PRKCA: variants seen among roughly 807,000 people sequenced by gnomAD.
PRKCA encodes protein kinase C alpha type.
In PRKCA, 27 loss-of-function variants were observed where a neutral mutation model predicts 87.0. That is an observed-to-expected ratio of 0.31 (90% CI 0.23 to 0.43). The LOEUF (loss-of-function observed/expected upper bound fraction) is 0.43, where lower values mean the gene tolerates loss of function less well. PRKCA is among the 20% of genes least tolerant of loss of function. The pLI, the probability that PRKCA is intolerant of heterozygous loss-of-function variation, is 1.00. For missense variants in PRKCA, 518 were observed against 852.3 expected, an observed-to-expected ratio of 0.61 and a Z score of 4.88; for synonymous variants, 329 against 311.1, an observed-to-expected ratio of 1.06 and a Z score of -0.61.
intron 2 of PRKCA, among the ~76,000 whole-genome samples, chr17:66,442,064 C>CTTTTTT (rs137893356): frequency 2.0e-5 from 3 of 147,492 alleles, no homozygotes; most frequent in Non-Finnish European, 1.5e-5. Flanking sequence ...TAGTCTCTCT[C>CTTTTTT]TCTTTTTTTT....
At chr17:66,603,678 T>G (rs1311441809) in intron 3 of PRKCA, among the ~76,000 whole-genome samples, 2 of 152,156 alleles carry the variant, frequency 1.3e-5, no homozygotes. Context: ...ACCTTCATAA[T>G]GTCATGTGCT....
rs191984474 is a variant in PRKCA at position 66,652,127 on chromosome 17, T to C, written c.529+6616T>C. Among the ~76,000 whole-genome samples, 163 of 152,142 alleles carry C rather than the reference T, an allele frequency of 1.1e-3. 3 individuals are homozygous for C. Among genetic ancestry groups the C allele is most frequent in the Admixed American group, 9.3e-3 (142 of 15,298 alleles). On this transcript the variant is annotated intron_variant, in intron 5 of 16. Transcript: ENST00000413366. ...GTGTGTGCCACCATGCCCGGCTAATTTTTGTTTTTTTGGTAGAGACAAGGT... is the reference window on the plus strand; with the variant it reads ...GTGTGTGCCACCATGCCCGGCTAATCTTTGTTTTTTTGGTAGAGACAAGGT...
chr17:66,664,418 C>T (rs192288609), intron 5 of PRKCA, among the ~76,000 whole-genome samples: 2 of 152,190 alleles, frequency 1.3e-5, no homozygotes, highest in Admixed American at 1.3e-4. Context: ...GGTTTAGTAC[C>T]AGGAATCATC....
chr17:66,548,136 C>T lies in PRKCA; in HGVS notation c.288+51853C>T, dbSNP rs138876728. On this transcript the variant is annotated intron_variant, in intron 3 of 16. Coordinates refer to ENST00000413366, the MANE Select transcript of PRKCA (RefSeq NM_002737.3). ...AGGGAGCTTTTCGCTGATTCTTGTT[C>T]GGGGGGATTTCCTTGAAGTCGACAG... Among the ~76,000 whole-genome samples, 1,336 of 152,206 alleles carry T rather than the reference C, an allele frequency of 8.8e-3. 6 individuals carry two copies. The highest frequency in any genetic ancestry group is 0.015 in the Non-Finnish European group (999 of 67,996).
intron 5 of PRKCA, among the ~76,000 whole-genome samples, chr17:66,684,922 C>G (rs542458438): frequency 1.3e-5 from 2 of 152,206 alleles, no homozygotes; most frequent in Non-Finnish European, 2.9e-5. Flanking sequence ...TGGCCTCTTT[C>G]CATTCCTCAT....
intron 5 of PRKCA, among the ~76,000 whole-genome samples, chr17:66,666,644 A>G (rs1972049859): frequency 1.3e-5 from 2 of 152,186 alleles, no homozygotes; most frequent in Non-Finnish European, 1.5e-5. Flanking sequence ...TATGGCTCCA[A>G]ATTTCAACAG....
In PRKCA at chr17:66,761,187, T is replaced by C. The variant is rs1173650683; in HGVS notation, c.1525-12800T>C. On this transcript the variant is annotated intron_variant, in intron 13 of 16. Coordinates refer to ENST00000413366, the MANE Select transcript of PRKCA (RefSeq NM_002737.3). The stretch of plus-strand genomic sequence containing the variant: ...GAGATTGAGACCATCCTGGCCAACA[T>C]GGTGAAACTCAGTCTCTACTAAAAA... Among the ~76,000 whole-genome samples, 8 of 152,000 alleles carry C rather than the reference T, an allele frequency of 5.3e-5. No homozygotes were observed. The East Asian group carries it at 1.6e-3, about 30-fold the overall frequency.
chr17:66,417,999 G>C, intron 2 of PRKCA, among the ~76,000 whole-genome samples: 1 of 152,104 alleles, frequency 6.6e-6, no homozygotes, highest in African/African-American at 2.4e-5. Context: ...CCCCAAATTA[G>C]CCATGTTTGA....
chr17:66,684,467 A>G (rs1271216615), intron 5 of PRKCA, among the ~76,000 whole-genome samples: 3 of 152,342 alleles, frequency 2.0e-5, no homozygotes, highest in Non-Finnish European at 2.9e-5. Flanking sequence ...GTGTCCTGGC[A>G]TGCCATGAGT....
In PRKCA at chr17:66,809,191, G is replaced by A; in HGVS notation, c.*5154G>A. The A allele has an allele frequency of 6.6e-6, 1 of 152,270 alleles. No homozygotes were observed. The highest frequency in any genetic ancestry group is 1.9e-4 in the East Asian group (1 of 5,200). The allele number at this position is 152,270 out of a possible 1,614,324, so 9.4% of individuals were successfully genotyped here. A position where few individuals can be genotyped will look rare whatever the true frequency, so the allele number is the denominator to read the frequency against. ...GTTACCTGACGCACACATGGATGAA[G>A]GCCATCATCTAGAAATGGGGTCAAC... On this transcript the variant is annotated 3_prime_UTR_variant, in exon 17 of 17. Transcript: ENST00000413366.
Position 66,514,596 on chromosome 17 carries a change from C to T in PRKCA, c.288+18313C>T, listed in dbSNP as rs1966903699. Among the ~76,000 whole-genome samples the T allele has an allele frequency of 2.0e-5, 3 of 152,192 alleles. No individual in the cohort carries two copies. The South Asian group carries it at 6.2e-4, about 32-fold the overall frequency. On this transcript the variant is annotated intron_variant, in intron 3 of 16. Coordinates refer to ENST00000413366, the MANE Select transcript of PRKCA (RefSeq NM_002737.3). ...GCAGCTCCATGTTTCTGTGCGGGAC[C>T]CGGCCTCCTCCAGCGTTTAGTTTAG...
chr17:66,608,978 G>C (rs1335290374), intron 3 of PRKCA, among the ~76,000 whole-genome samples: 2 of 152,216 alleles, frequency 1.3e-5, no homozygotes, highest in East Asian at 3.8e-4. Context: ...CTTAACAGGT[G>C]AGAACAGGAA....
intron 5 of PRKCA, among the ~76,000 whole-genome samples, chr17:66,670,695 A>G (rs1972155502): frequency 6.6e-6 from 1 of 151,584 alleles, no homozygotes; most frequent in African/African-American, 2.4e-5. Flanking sequence ...CGCCATCTCT[A>G]CCCAAAAAAA....
chr17:66,490,617 C>G lies in PRKCA; in HGVS notation c.206-5584C>G, dbSNP rs150424959. Among the ~76,000 whole-genome samples the G allele has an allele frequency of 6.3e-3, 959 of 151,880 alleles. 14 individuals are homozygous for G. Among genetic ancestry groups the G allele is most frequent in the African/African-American group, 0.02 (835 of 41,408 alleles). On this transcript the variant is annotated intron_variant, in intron 2 of 16. Transcript: ENST00000413366. ...TTGAGACGGAGTCTTGCTCTGTCAC[C>G]CAGGCTGGACTGGAGTGCAGTGGTG...
chr17:66,633,878 C>T (rs1053617517), intron 3 of PRKCA, among the ~76,000 whole-genome samples: 45 of 152,212 alleles, frequency 3.0e-4, no homozygotes, highest in Admixed American at 2.9e-3. Flanking sequence ...CTGCACATAG[C>T]TAGATTAGTC....
intron 3 of PRKCA, among the ~76,000 whole-genome samples, chr17:66,635,692 C>G (rs1234386533): frequency 1.3e-5 from 2 of 152,208 alleles, no homozygotes; most frequent in Non-Finnish European, 2.9e-5. Context: ...GCCAATACTA[C>G]TGTATTCCCT....
At position 66,747,365 on chromosome 17, in the gene PRKCA, C is replaced by T. The variant is rs148091754; in HGVS notation, c.1524+4605C>T. The stretch of plus-strand genomic sequence containing the variant: ...GAATTACAGGCCTGAGCCACTGTGC[C>T]CGGCCCTGAAGTGAAGCTTTTTCAA... On this transcript the variant is annotated intron_variant, in intron 13 of 16. Coordinates refer to ENST00000413366, the MANE Select transcript of PRKCA (RefSeq NM_002737.3). 2.9e-3 allele frequency among the ~76,000 whole-genome samples: 438 copies of T among 152,348 alleles called. 2 individuals carry two copies. The highest frequency in any genetic ancestry group is 9.8e-3 in the African/African-American group (408 of 41,584).
chr17:66,740,223 C>A (rs1319200384), intron 11 of PRKCA, among the ~76,000 whole-genome samples: 1 of 151,900 alleles, frequency 6.6e-6, no homozygotes, highest in Non-Finnish European at 1.5e-5. Flanking sequence ...ATGCGGGAGT[C>A]GGCAGCACAG....
chr17:66,723,947 CTG>C (rs1303104344), intron 8 of PRKCA, among the ~76,000 whole-genome samples: 1 of 152,200 alleles, frequency 6.6e-6, no homozygotes, highest in Non-Finnish European at 1.5e-5. Flanking sequence ...TAATTGAAGA[CTG>C]TGGACGGTGG....
Sources: gnomAD v4.1 joint callset for allele counts (sites outside exome capture counted in the v4.1 genomes callset) on GRCh38, gnomAD v4.1.1 for gene constraint, MANE v1.5 for transcripts, NCBI Gene and HGNC (gene_info 2026-07-23, HGNC 2026-07-21) for gene names.